Variants in ODF2 observed in about 807,000 individuals in gnomAD.
ODF2 encodes outer dense fiber protein 2.
A neutral mutation model predicts 110.2 loss-of-function variants in ODF2; 47 were observed. The ratio of observed to expected loss-of-function variants is 0.43; its 90% CI spans 0.34 to 0.54. ODF2 has a LOEUF of 0.54. Ranked by LOEUF, ODF2 falls within the 20% of genes least tolerant of loss-of-function variation. The pLI is 0.03. For synonymous variants in ODF2, 352 were observed against 397.7 expected, an observed-to-expected ratio of 0.89 and a Z score of 1.37; for missense variants, 812 against 1,054.5, an observed-to-expected ratio of 0.77 and a Z score of 3.19.
chr9:128,465,696 G>T (rs1837664031), intron 4 of ODF2, among the ~76,000 whole-genome samples: 2 of 149,196 alleles, frequency 1.3e-5, no homozygotes, highest in Non-Finnish European at 3.0e-5. Flanking sequence ...AGCTGAGATT[G>T]CACCACTGCA....
intron 17 of ODF2, among the ~76,000 whole-genome samples, chr9:128,495,114 C>T (rs1414900360): frequency 2.0e-5 from 3 of 152,250 alleles, no homozygotes; most frequent in African/African-American, 4.8e-5. Context: ...CTCCCAGAAG[C>T]AGTCTGTCTC....
At chr9:128,457,303 G>A in exon 2 of ODF2, 1 of 1,608,060 alleles carries the variant, frequency 6.2e-7, no homozygotes, top group Non-Finnish European at 8.5e-7. Context: ...GACGTTTGAT[G>A]CCGGGCCCCT....
Position 128,467,324 on chromosome 9 carries a change from G to A in ODF2, c.250-1859G>A, listed in dbSNP as rs1044141411. ...TATAGAAAAGGTACGGTAAAAATAC[G>A]GTGTTTTGGGACCACTGTCATATAT... On this transcript the variant is annotated intron_variant, in intron 4 of 20. Transcript: ENST00000604420. Among the ~76,000 whole-genome samples, 13 of 151,776 alleles carry A rather than the reference G, an allele frequency of 8.6e-5. No individual in the cohort carries two copies. The East Asian group carries it at 1.4e-3, about 16-fold the overall frequency.
At chr9:128,484,115 C>T (rs1014296417) in intron 11 of ODF2, 61 bp downstream of exon 11, 21 of 1,222,820 alleles carry the variant, frequency 1.7e-5, no homozygotes, top group Non-Finnish European at 2.4e-5. Context: ...TTGATGGTAG[C>T]GGCCTGGCCC....
chr9:128,500,243 T>A, exon 21 of ODF2: 2 of 1,614,110 alleles, frequency 1.2e-6, no homozygotes, highest in Non-Finnish European at 1.7e-6. Context: ...GCTCCCGATC[T>A]CCTCCTGCCT....
chr9:128,478,604 G>GA lies in ODF2; in HGVS notation c.844-2963dup, dbSNP rs781321155. 9.7e-3 allele frequency among the ~76,000 whole-genome samples: 1,331 copies of GA among 136,570 alleles called. 7 individuals are homozygous for GA. The highest frequency in any genetic ancestry group is 0.016 in the African/African-American group (582 of 37,272). The allele number at this position is 136,570 out of a possible 152,430, so 89.6% of individuals were successfully genotyped here. A position where few individuals can be genotyped will look rare whatever the true frequency, so the allele number is the denominator to read the frequency against. On this transcript the variant is annotated intron_variant, in intron 8 of 20. Coordinates refer to ENST00000604420, the Ensembl canonical transcript of ODF2. ...CAGAGTGAGACTCCATCTCAAAAAG[G>GA]AAAAAAAAAAAAAGCCTCTTGCTCT...
intron 6 of ODF2, 53 bp downstream of exon 6, chr9:128,471,521 C>T: frequency 6.3e-7 from 1 of 1,576,396 alleles, no homozygotes. Flanking sequence ...TACCAGGCTG[C>T]CTTGAGCCCT....
rs202129340 is a variant in ODF2 at position 128,473,710 on chromosome 9, G to A, written c.812G>A (p.Arg271Gln). Residue 271 changes from arginine (R) to glutamine (Q), a missense_variant, in exon 8 of 21, where the codon CGA becomes CAA. Coordinates refer to ENST00000604420, the Ensembl canonical transcript of ODF2. The stretch of plus-strand genomic sequence containing the variant: ...TTTGAGGAGACCAACCGCACCCTCC[G>A]AGACCTCCTGAGGGAACAGCACTGC... 36 of 1,613,660 alleles carry A rather than the reference G, an allele frequency of 2.2e-5. No individual in the cohort carries two copies. Among genetic ancestry groups the A allele is most frequent in the African/African-American group, 1.1e-4 (8 of 74,936 alleles).
chr9:128,470,420 C>T (rs1405214803), intron 5 of ODF2, among the ~76,000 whole-genome samples: 1 of 151,844 alleles, frequency 6.6e-6, no homozygotes, highest in Non-Finnish European at 1.5e-5. Context: ...CACTTGAGGT[C>T]AGGAGTTCAA....
chr9:128,463,244 G>T (rs2131540504), intron 4 of ODF2, among the ~76,000 whole-genome samples: 1 of 152,290 alleles, frequency 6.6e-6, no homozygotes, highest in Middle Eastern at 3.4e-3. Context: ...GTGTGACACA[G>T]TGAGACCCTG....
intron 17 of ODF2, among the ~76,000 whole-genome samples, chr9:128,495,009 G>C (rs1408555808): frequency 3.9e-5 from 6 of 152,204 alleles, no homozygotes; most frequent in Non-Finnish European, 7.3e-5. Flanking sequence ...CCGAGCCGTA[G>C]AATTTCTTTT....
chr9:128,455,988 G>A (rs1834672640), upstream of ODF2: 1 of 1,413,224 alleles, frequency 7.1e-7, no homozygotes. Context: ...CGCGTGGCCC[G>A]GAAGTGGGCG....
chr9:128,469,330 G>C (rs1442328705), exon 5 of ODF2: 1 of 1,614,056 alleles, frequency 6.2e-7, no homozygotes, highest in African/African-American at 1.3e-5. Context: ...TCTAATGAAT[G>C]CGGTTGGTTG....
In ODF2 at chr9:128,485,298, G is replaced by A. The variant is rs1040871891; in HGVS notation, c.1291-67G>A. The stretch of plus-strand genomic sequence containing the variant: ...GTGAGAAACCACCTAGGATGAGCCC[G>A]CTCCCAGCTCCTGGCAGCCTCACCA... On this transcript the variant is annotated intron_variant, in intron 12 of 20. Coordinates refer to ENST00000604420, the Ensembl canonical transcript of ODF2. This position sits in a 1 kb window ranked among gnomAD's most constrained non-coding sequence, Gnocchi z 5.0. 14 of 832,556 alleles carry A rather than the reference G, an allele frequency of 1.7e-5. No individual in the cohort carries two copies. The highest frequency in any genetic ancestry group is 1.4e-4 in the African/African-American group (8 of 59,212). The allele number at this position is 832,556 out of a possible 1,614,324, so 51.6% of individuals were successfully genotyped here. A position where few individuals can be genotyped will look rare whatever the true frequency, so the allele number is the denominator to read the frequency against.
At chr9:128,461,246 G>T in intron 4 of ODF2, 179 bp downstream of exon 4, 1 of 748,686 alleles carries the variant, frequency 1.3e-6, no homozygotes, top group Non-Finnish European at 2.1e-6. Flanking sequence ...TGATACTGCT[G>T]TGTGGGAAGT....
chr9:128,460,229 T>G, intron 3 of ODF2: 1 of 1,322,678 alleles, frequency 7.6e-7, no homozygotes, highest in Non-Finnish European at 9.9e-7. Context: ...GAGCTGTGCA[T>G]TCCAGCAGGT....
chr9:128,498,313 T>A (rs372395067), intron 18 of ODF2, 100 bp from the exon 19 acceptor site: 1 of 1,398,244 alleles, frequency 7.2e-7, no homozygotes, highest in South Asian at 1.7e-5. Flanking sequence ...ATTCTTGGCA[T>A]GATGAGATCC....
At chr9:128,486,206 T>C (rs992179719) in intron 13 of ODF2, among the ~76,000 whole-genome samples, 1 of 152,034 alleles carries the variant, frequency 6.6e-6, no homozygotes, top group African/African-American at 2.4e-5. Flanking sequence ...ATGGGGGAGC[T>C]CATTTAATCT....
chr9:128,455,328 G>T (rs1251257313), upstream of ODF2: 10 of 1,017,276 alleles, frequency 9.8e-6, no homozygotes, highest in Admixed American at 2.2e-5. Context: ...GAGGCGGGTG[G>T]ATCATGAGGT....
Sources: allele counts gnomAD v4.1 joint callset (sites outside exome capture counted in the v4.1 genomes callset), GRCh38; gene constraint gnomAD v4.1.1; non-coding constraint Gnocchi (gnomAD v3.1); transcripts MANE v1.5; gene names NCBI Gene and HGNC (gene_info 2026-07-23, HGNC 2026-07-21).